MTFR1: variants seen among roughly 807,000 people sequenced by gnomAD.
The protein encoded by MTFR1 is mitochondrial fission regulator 1.
MTFR1 carries 28 observed loss-of-function variants against 38.8 expected under a neutral mutation model. The observed-to-expected ratio is 0.72, with a 90% confidence interval of 0.53 to 0.99. The LOEUF is 0.99. Ranked by LOEUF, MTFR1 falls within the 50% of genes least tolerant of loss-of-function variation. MTFR1 has a pLI of 0.00. For synonymous variants in MTFR1, 145 were observed against 137.0 expected (o/e 1.06, Z -0.41); for missense variants, 358 against 395.5 (o/e 0.91, Z 0.81).
intron 3 of MTFR1, among the ~76,000 whole-genome samples, chr8:65,751,863 A>G (rs1475749090): frequency 6.6e-6 from 1 of 152,216 alleles, no homozygotes; most frequent in African/African-American, 2.4e-5. Flanking sequence ...AAATGGTAGC[A>G]TATTTTACAA....
intron 3 of MTFR1, among the ~76,000 whole-genome samples, chr8:65,764,731 C>T (rs972576620): frequency 6.6e-6 from 1 of 151,694 alleles, no homozygotes; most frequent in Non-Finnish European, 1.5e-5. Context: ...CATAATACAA[C>T]TAAGTATGAA....
intron 4 of MTFR1, among the ~76,000 whole-genome samples, chr8:65,701,841 C>T (rs1805618561): frequency 6.6e-6 from 1 of 152,042 alleles, no homozygotes; most frequent in African/African-American, 2.4e-5. Context: ...AGGCTGGCTC[C>T]ACAGTGCCAG....
intron 3 of MTFR1, chr8:65,727,303 T>TTA: frequency 3.7e-6 from 6 of 1,612,386 alleles, no homozygotes; most frequent in African/African-American, 1.3e-5. Flanking sequence ...ATTGGCAAGC[T>TTA]GAAGTGTGAC....
At chr8:65,723,584 T>G (rs1238495379) in intron 3 of MTFR1, 1 of 1,584,768 alleles carries the variant, frequency 6.3e-7, no homozygotes, top group Admixed American at 1.8e-5. Context: ...GATCGCAAAG[T>G]GGACTCACAC....
At chr8:65,670,104 G>T in intron 2 of MTFR1, 86 bp downstream of exon 2, 2 of 1,118,820 alleles carry the variant, frequency 1.8e-6, no homozygotes, top group South Asian at 2.9e-5. Context: ...ATCTATATAT[G>T]ACCAACATCT....
intron 3 of MTFR1, chr8:65,722,938 C>A (rs952998423): frequency 6.6e-6 from 1 of 152,218 alleles, no homozygotes; most frequent in Middle Eastern, 3.4e-3. Flanking sequence ...AAAGCACTGG[C>A]GAGGCACAAA....
intron 4 of MTFR1, among the ~76,000 whole-genome samples, chr8:65,701,276 C>G (rs146734482): frequency 5.3e-5 from 8 of 152,282 alleles, no homozygotes; most frequent in African/African-American, 1.7e-4. Flanking sequence ...AGACCTGTCT[C>G]AGATACTTTT....
chr8:65,753,867 A>G (rs1808086783), intron 3 of MTFR1, among the ~76,000 whole-genome samples: 1 of 151,520 alleles, frequency 6.6e-6, no homozygotes, highest in African/African-American at 2.4e-5. Flanking sequence ...TCAACATACA[A>G]TGCCTTTTAT....
chr8:65,655,521 G>T (rs911976108), intron 1 of MTFR1, among the ~76,000 whole-genome samples: 1 of 152,162 alleles, frequency 6.6e-6, no homozygotes, highest in African/African-American at 2.4e-5. Flanking sequence ...ATTACTACCA[G>T]TAAATTGTAC....
intron 3 of MTFR1, chr8:65,726,964 A>G (rs1030536572): frequency 5.1e-6 from 8 of 1,565,036 alleles, no homozygotes; most frequent in Non-Finnish European, 7.0e-6. Flanking sequence ...GTACTGAGGT[A>G]TTCTACAACA....
In MTFR1 at chr8:65,707,998, CAG is replaced by C. The variant is rs1258688895; in HGVS notation, c.927_928del (p.Arg309SerfsTer19). ...CCAAAGTCTGAATCAGAGGCCACCT[CAG>C]AGAGAGTGTTGGTGAGTTATTTGCC... On this transcript the variant is annotated frameshift_variant, in exon 7 of 8. Coordinates refer to ENST00000262146, the MANE Select transcript of MTFR1 (RefSeq NM_014637.4). LOFTEE classifies it high-confidence loss of function. 4.3e-6 allele frequency: 7 copies of C among 1,612,308 alleles called. No individual in the cohort carries two copies. In the Admixed American group the frequency reaches 5.0e-5, roughly 12 times the overall value.
At chr8:65,729,895 A>T (rs1806779571) in intron 3 of MTFR1, among the ~76,000 whole-genome samples, 3 of 151,918 alleles carry the variant, frequency 2.0e-5, no homozygotes, top group Non-Finnish European at 4.4e-5. Flanking sequence ...TTGACACATT[A>T]TGTCCATCCT....
downstream of MTFR1, among the ~76,000 whole-genome samples, chr8:65,772,410 C>T (rs1182606310): frequency 6.6e-6 from 1 of 152,172 alleles, no homozygotes; most frequent in African/African-American, 2.4e-5. Flanking sequence ...TAAACACATC[C>T]TGCAAGGTTG....
chr8:65,761,892 C>G (rs1808514204), intron 3 of MTFR1, among the ~76,000 whole-genome samples: 1 of 152,198 alleles, frequency 6.6e-6, no homozygotes, highest in Non-Finnish European at 1.5e-5. Context: ...CAGTATTACT[C>G]TAACTCTTCC....
chr8:65,736,796 T>TG (rs1436581560), intron 3 of MTFR1, among the ~76,000 whole-genome samples: 4 of 151,162 alleles, frequency 2.6e-5, no homozygotes, highest in African/African-American at 4.9e-5. Context: ...ATCTGTTTTT[T>TG]TTTTTTTTTT....
At position 65,749,181 on chromosome 8, in the gene MTFR1, G is replaced by GT. The variant is rs1563486339; in HGVS notation, c.*49-21760dup. 2.6e-5 allele frequency among the ~76,000 whole-genome samples: 4 copies of GT among 152,268 alleles called. No individual in the cohort carries two copies. The South Asian group carries it at 8.3e-4, about 32-fold the overall frequency. ...AATAGTACTTCTGATATTATAATTAGTTTTTTGTCTCCTTGAACAAATGAT... is the reference window on the plus strand; with the variant it reads ...AATAGTACTTCTGATATTATAATTAGTTTTTTTGTCTCCTTGAACAAATGAT... On this transcript the variant is annotated intron_variant, in intron 3 of 3. Coordinates refer to the MTFR1 transcript ENST00000521247.
chr8:65,659,713 G>T (rs1809360325), intron 1 of MTFR1, among the ~76,000 whole-genome samples: 1 of 152,152 alleles, frequency 6.6e-6, no homozygotes, highest in Admixed American at 6.5e-5. Flanking sequence ...TGTAGAAAGA[G>T]AAAGTTGAGT....
At chr8:65,647,803 CAACA>C (rs1809002396) in intron 1 of MTFR1, among the ~76,000 whole-genome samples, 2 of 34,996 alleles carry the variant, frequency 5.7e-5, no homozygotes, top group African/African-American at 6.7e-4. Flanking sequence ...TTTAGATAAG[CAACA>C]AAAAAAAAAA....
chr8:65,738,945 G>T (rs1434263231), intron 3 of MTFR1, among the ~76,000 whole-genome samples: 2 of 152,196 alleles, frequency 1.3e-5, no homozygotes, highest in Non-Finnish European at 2.9e-5. Context: ...CTGTGGCTCT[G>T]TGACTTTGCA....
Sources: gnomAD v4.1 joint callset for allele counts (sites outside exome capture counted in the v4.1 genomes callset) on GRCh38, gnomAD v4.1.1 for gene constraint, MANE v1.5 for transcripts, NCBI Gene and HGNC (gene_info 2026-07-23, HGNC 2026-07-21) for gene names.